Variants in RGS13 observed in about 807,000 individuals in gnomAD.
The protein encoded by RGS13 is regulator of G protein signaling 13.
In RGS13, 14 loss-of-function variants were observed where a neutral mutation model predicts 19.9. That is an observed-to-expected ratio of 0.70 (90% CI 0.46 to 1.10). The LOEUF (loss-of-function observed/expected upper bound fraction) is 1.10, where lower values mean the gene tolerates loss of function less well. RGS13 is among the 50% of genes least tolerant of loss of function. The probability of loss-of-function intolerance (pLI) is 0.00; values close to 1 mark genes in which losing one functional copy is unlikely to be tolerated. For missense variants in RGS13, 205 were observed against 187.1 expected, an observed-to-expected ratio of 1.10 and a Z score of -0.56; for synonymous variants, 60 against 56.8, an observed-to-expected ratio of 1.06 and a Z score of -0.25.
At chr1:192,650,449 T>C (rs1019047561) in intron 5 of RGS13, among the ~76,000 whole-genome samples, 1 of 152,102 alleles carries the variant, frequency 6.6e-6, no homozygotes, top group Non-Finnish European at 1.5e-5. Context: ...GTGTTTACAT[T>C]AACCAAGGAC....
intron 5 of RGS13, among the ~76,000 whole-genome samples, chr1:192,651,652 A>G (rs1250392958): frequency 1.3e-5 from 2 of 152,078 alleles, no homozygotes; most frequent in African/African-American, 4.8e-5. Context: ...TTGTTTGGCC[A>G]TCCCAAAAAG....
In RGS13 at chr1:192,659,578, CT is replaced by C; in HGVS notation, c.*60del. The C allele has an allele frequency of 7.8e-7, 1 of 1,284,800 alleles. No homozygotes were observed. Among genetic ancestry groups the C allele is most frequent in the East Asian group, 2.5e-5 (1 of 40,526 alleles). 79.6% of individuals were successfully genotyped at this position (1,284,800 alleles called of 1,614,324 possible). The stretch of plus-strand genomic sequence containing the variant: ...GTATATTGAAAGTGGTGGGTTTGAT[CT>C]TTTTATTTAGAAACCCACAAAATCA... On this transcript the variant is annotated 3_prime_UTR_variant, in exon 7 of 7. Transcript: ENST00000391995.
intron 5 of RGS13, among the ~76,000 whole-genome samples, chr1:192,650,647 A>C (rs1488021676): frequency 6.6e-6 from 1 of 152,094 alleles, no homozygotes; most frequent in Non-Finnish European, 1.5e-5. Flanking sequence ...TCATCAAAAT[A>C]CAATTAAATT....
At chr1:192,655,035 C>T (rs1663410398) in intron 5 of RGS13, among the ~76,000 whole-genome samples, 1 of 152,040 alleles carries the variant, frequency 6.6e-6, no homozygotes, top group Non-Finnish European at 1.5e-5. Context: ...CCTACATTGC[C>T]TGATTTAGAA....
chr1:192,636,775 A>T (rs993056767), intron 1 of RGS13, among the ~76,000 whole-genome samples: 3 of 151,982 alleles, frequency 2.0e-5, no homozygotes, highest in Non-Finnish European at 2.9e-5. Flanking sequence ...AAACATTGTT[A>T]ATCTTGATTT....
chr1:192,658,746 G>A (rs1403628420), intron 6 of RGS13: 1 of 181,630 alleles, frequency 5.5e-6, no homozygotes, highest in African/African-American at 2.4e-5. Context: ...GTTGGGCAAT[G>A]AGAAATAAAA....
intron 4 of RGS13, 133 bp from the exon 5 acceptor site, chr1:192,647,793 T>G (rs913475927): frequency 4.6e-6 from 2 of 436,038 alleles, no homozygotes; most frequent in Non-Finnish European, 8.2e-6. Flanking sequence ...AAAATAACTT[T>G]CCAACCAAAG....
intron 5 of RGS13, among the ~76,000 whole-genome samples, chr1:192,651,338 A>G (rs1177186484): frequency 1.3e-5 from 2 of 152,100 alleles, no homozygotes; most frequent in South Asian, 2.1e-4. Context: ...GGAGATAGGT[A>G]AAACCAGAGG....
At chr1:192,640,970 A>G (rs192340961) in intron 3 of RGS13, among the ~76,000 whole-genome samples, 2 of 151,998 alleles carry the variant, frequency 1.3e-5, no homozygotes, top group Non-Finnish European at 2.9e-5. Context: ...TGTCACTCAC[A>G]TTGTAACTTG....
chr1:192,648,938 T>C (rs1663267843), intron 5 of RGS13, among the ~76,000 whole-genome samples: 1 of 152,078 alleles, frequency 6.6e-6, no homozygotes, highest in African/African-American at 2.4e-5. Flanking sequence ...CAAGACCCTC[T>C]TTAGTATGGA....
chr1:192,649,302 C>T (rs1182647013), intron 5 of RGS13, among the ~76,000 whole-genome samples: 2 of 152,116 alleles, frequency 1.3e-5, no homozygotes, highest in East Asian at 3.9e-4. Flanking sequence ...GACAAAAGTG[C>T]ATATTCAGTT....
chr1:192,658,115 A>C (rs1202121766), intron 5 of RGS13, 86 bp from the exon 6 acceptor site: 2 of 930,652 alleles, frequency 2.1e-6, no homozygotes. Context: ...GTGAGTTTTT[A>C]ATCAGGCTTT....
rs1571588083 is a variant in RGS13, at chr1:192,657,343, C to T, written c.128-858C>T. ...TCTTGAACCTTGAGAATACTTGGTC[C>T]TCCCAAAGATTCCAATTAATATGTT... On this transcript the variant is annotated intron_variant, in intron 5 of 6. Transcript: ENST00000391995. 3.3e-5 allele frequency among the ~76,000 whole-genome samples: 5 copies of T among 152,176 alleles called. No individual in the cohort carries two copies. In the South Asian group the frequency reaches 1.0e-3, roughly 32 times the overall value.
At chr1:192,650,060 A>G (rs1663307465) in intron 5 of RGS13, among the ~76,000 whole-genome samples, 1 of 152,102 alleles carries the variant, frequency 6.6e-6, no homozygotes, top group Non-Finnish European at 1.5e-5. Context: ...TATTAGTGAG[A>G]AAAGTTCAAA....
At chr1:192,659,278 AT>A in intron 6 of RGS13, 59 bp from the exon 7 acceptor site, 1 of 1,271,168 alleles carries the variant, frequency 7.9e-7, no homozygotes, top group Non-Finnish European at 1.1e-6. Context: ...CCTTTCTACT[AT>A]ATGTGCCTTT....
intron 5 of RGS13, among the ~76,000 whole-genome samples, chr1:192,655,100 G>C (rs1663411195): frequency 6.6e-6 from 1 of 152,078 alleles, no homozygotes; most frequent in South Asian, 2.1e-4. Flanking sequence ...AAATTCTAAA[G>C]AGAGCAATTC....
At chr1:192,641,241 AAAGAAAAGAAAGAAAAGAAAGAAAGAAAG>A (rs1558049159) in intron 3 of RGS13, among the ~76,000 whole-genome samples, 6 of 90,228 alleles carry the variant, frequency 6.6e-5, no homozygotes, top group Middle Eastern at 4.4e-3. Context: ...AGAAAGAAAG[AAAGAAAAGAAAGAAAAGAAAGAAAGAAAG>A]AAAGAAAGAA....
At chr1:192,645,791 A>G (rs1663210074) in intron 4 of RGS13, 1 of 152,108 alleles carries the variant, frequency 6.6e-6, no homozygotes, top group African/African-American at 2.4e-5. Context: ...AACAAATTGT[A>G]TTTCCCATTT....
chr1:192,647,906 CT>C lies in RGS13; in HGVS notation c.66-15del. 6.4e-7 allele frequency: 1 copy of C among 1,560,912 alleles called. No individual in the cohort carries two copies. The highest frequency in any genetic ancestry group is 1.2e-5 in the South Asian group (1 of 82,884). On this transcript the variant is annotated intron_variant, in intron 4 of 6. Transcript: ENST00000391995. ...TTGAGAATATTTAGCCCAATCAGTG[CT>C]TTTTGTTTCTTTTCAAAGCCTTACT...
Sources: gnomAD v4.1 joint callset for allele counts (sites outside exome capture counted in the v4.1 genomes callset) on GRCh38, gnomAD v4.1.1 for gene constraint, MANE v1.5 for transcripts, NCBI Gene and HGNC (gene_info 2026-07-23, HGNC 2026-07-21) for gene names.